Variants in UTRN observed in about 807,000 individuals in gnomAD.
The protein encoded by UTRN is utrophin, also known as dystrophin-related protein 1.
In UTRN, 283 loss-of-function variants were observed where a neutral mutation model predicts 463.9. That is an observed-to-expected ratio of 0.61 (90% CI 0.55 to 0.67). The LOEUF is 0.67. Among genes scored for constraint, UTRN ranks in the 30% least tolerant of loss-of-function variants. UTRN has a pLI of 0.00. For synonymous variants in UTRN, 1,442 were observed against 1,431.5 expected, an observed-to-expected ratio of 1.01 and a Z score of -0.17; for missense variants, 3,922 against 4,084.3, an observed-to-expected ratio of 0.96 and a Z score of 1.08.
At chr6:144,776,282 G>C (rs565272202) in intron 60 of UTRN, among the ~76,000 whole-genome samples, 3 of 152,184 alleles carry the variant, frequency 2.0e-5, no homozygotes, top group South Asian at 2.1e-4. Flanking sequence ...TTTTTTCCCA[G>C]TAGTTTATGA....
Position 144,531,147 on chromosome 6 carries a change from A to G in UTRN, c.6002A>G (p.Asp2001Gly). ...WITEAEELLV[D>G]TCAPGGSLDL... is the part of the protein sequence containing the mutation. ...ACAGAGGCTGAAGAATTACTGGTTG[A>G]TACCTGTGCTCCAGGTGGCAGCCTG... Residue 2001 changes from aspartate to glycine, a missense_variant, in exon 42 of 75, where the codon GAT becomes GGT. This residue lies in a region of UTRN where 2,349 missense variants were observed against 2,303.8 expected (regional missense o/e 1.02). Transcript: ENST00000367545. 6.2e-7 allele frequency: 1 copy of G among 1,614,058 alleles called. No individual in the cohort carries two copies. The highest frequency in any genetic ancestry group is 8.5e-7 in the Non-Finnish European group (1 of 1,179,982).
In UTRN at chr6:144,513,907, A is replaced by G; in HGVS notation, c.4945-2A>G. The G allele has an allele frequency of 6.2e-7, 1 of 1,612,908 alleles. No homozygotes were observed. Among genetic ancestry groups the G allele is most frequent in the Non-Finnish European group, 8.5e-7 (1 of 1,179,620 alleles). On this transcript the variant is annotated splice_acceptor_variant, in intron 35 of 74. Transcript: ENST00000367545. LOFTEE classifies it high-confidence loss of function. ...GTAAGCATTTTATTAATTCCTTTGTAGAACCATCAGAACCAGCTAGAAATA... is the reference window on the plus strand; with the variant it reads ...GTAAGCATTTTATTAATTCCTTTGTGGAACCATCAGAACCAGCTAGAAATA...
At chr6:144,304,894 C>T (rs374285937) in intron 2 of UTRN, among the ~76,000 whole-genome samples, 159 of 150,694 alleles carry the variant, frequency 1.1e-3, no homozygotes, top group African/African-American at 3.5e-3. Flanking sequence ...CAGATATGCT[C>T]GTGCCCTCAT....
At chr6:144,536,510 A>G (rs569513857) in intron 43 of UTRN, among the ~76,000 whole-genome samples, 51 of 152,168 alleles carry the variant, frequency 3.4e-4, no homozygotes, top group Non-Finnish European at 4.9e-4. Context: ...ATGATTTTGT[A>G]GTGATTTTCA....
chr6:144,555,010 G>T, intron 49 of UTRN, 117 bp downstream of exon 49: 1 of 1,210,690 alleles, frequency 8.3e-7, no homozygotes, highest in Non-Finnish European at 1.1e-6. Context: ...AGTTCTTAGA[G>T]TGTCTAATGA....
intron 51 of UTRN, among the ~76,000 whole-genome samples, chr6:144,627,107 G>T (rs998755346): frequency 6.6e-6 from 1 of 151,928 alleles, no homozygotes; most frequent in African/African-American, 2.4e-5. Context: ...CGCGGCAGAT[G>T]GGGGGTTAGG....
intron 53 of UTRN, among the ~76,000 whole-genome samples, chr6:144,714,569 C>G (rs902549078): frequency 6.6e-6 from 1 of 152,160 alleles, no homozygotes; most frequent in African/African-American, 2.4e-5. Flanking sequence ...TCTTGAGATT[C>G]TTAGTAATAT....
chr6:144,341,478 G>A (rs1249475923), intron 2 of UTRN, among the ~76,000 whole-genome samples: 1 of 152,138 alleles, frequency 6.6e-6, no homozygotes, highest in Non-Finnish European at 1.5e-5. Context: ...ATGTTGATTT[G>A]TTTGAATAAT....
chr6:144,593,645 G>T (rs6915390), intron 51 of UTRN, among the ~76,000 whole-genome samples: 23,726 of 152,150 alleles, frequency 0.16, 2,080 homozygotes, highest in South Asian at 0.27. Context: ...TTGGCCTTAG[G>T]CTGCCTGTCT....
chr6:144,458,695 T>C (rs949853468), intron 19 of UTRN, 75 bp from the exon 20 acceptor site: 2 of 1,494,522 alleles, frequency 1.3e-6, no homozygotes, highest in Non-Finnish European at 1.8e-6. Flanking sequence ...ATTCTGAGTG[T>C]TAGAATGTTC....
intron 2 of UTRN, among the ~76,000 whole-genome samples, chr6:144,337,728 C>A (rs188294259): frequency 6.7e-4 from 102 of 152,288 alleles, no homozygotes; most frequent in Non-Finnish European, 1.4e-3. Flanking sequence ...GATTCCCATG[C>A]CTCACCCTCC....
intron 2 of UTRN, among the ~76,000 whole-genome samples, chr6:144,337,906 C>A (rs181832298): frequency 6.6e-6 from 1 of 152,208 alleles, no homozygotes; most frequent in Non-Finnish European, 1.5e-5. Flanking sequence ...TGAGCCATTG[C>A]GCCCAGCCTG....
chr6:144,557,420 TA>T (rs1799484840), intron 50 of UTRN, 109 bp downstream of exon 50: 13 of 1,085,258 alleles, frequency 1.2e-5, no homozygotes, highest in Non-Finnish European at 1.2e-5. Context: ...AAGTACATTT[TA>T]TTATTATGTA....
chr6:144,467,839 C>G (rs1160210667), intron 23 of UTRN, among the ~76,000 whole-genome samples: 2 of 151,896 alleles, frequency 1.3e-5, no homozygotes, highest in Non-Finnish European at 2.9e-5. Flanking sequence ...CATATATTCC[C>G]TTCCTTAGAT....
At chr6:144,557,091 A>C in intron 49 of UTRN, 66 bp from the exon 50 acceptor site, 1 of 1,539,046 alleles carries the variant, frequency 6.5e-7, no homozygotes, top group Non-Finnish European at 8.8e-7. Context: ...TGGGAGTACC[A>C]TTGTTTTGAT....
Position 144,730,422 on chromosome 6 carries a change from TTTCTTGGCTGATCA to T in UTRN, c.7876_7889del (p.Phe2626AlafsTer3). ...TGAATGCTGTCGACCAGGCCCGAGT[TTTCTTGGCTGATCA>T]GCCAATTGAGGCCCCTGAAGAGCCA... On this transcript the variant is annotated frameshift_variant, in exon 54 of 75. Transcript: ENST00000367545. LOFTEE classifies it high-confidence loss of function. The T allele has an allele frequency of 6.2e-7, 1 of 1,611,940 alleles. No homozygotes were observed. Among genetic ancestry groups the T allele is most frequent in the Non-Finnish European group, 8.5e-7 (1 of 1,178,892 alleles).
intron 53 of UTRN, among the ~76,000 whole-genome samples, chr6:144,710,420 C>T (rs1361268148): frequency 6.6e-6 from 1 of 152,190 alleles, no homozygotes; most frequent in African/African-American, 2.4e-5. Flanking sequence ...CAAAACCCTT[C>T]TCTTACACAC....
intron 53 of UTRN, among the ~76,000 whole-genome samples, chr6:144,704,611 A>G (rs926687307): frequency 2.6e-5 from 4 of 152,180 alleles, no homozygotes; most frequent in African/African-American, 9.7e-5. Context: ...AGTTGCCATC[A>G]TGTTTGACAT....
intron 4 of UTRN, 129 bp downstream of exon 4, chr6:144,422,099 G>T: frequency 1.4e-6 from 1 of 703,926 alleles, no homozygotes; most frequent in Non-Finnish European, 2.2e-6. Context: ...CTGAAATTCG[G>T]AACATTTTTA....
Sources: gnomAD v4.1 joint callset for allele counts (sites outside exome capture counted in the v4.1 genomes callset) on GRCh38, gnomAD v4.1.1 for gene constraint, gnomAD v4.1.1 regional missense constraint, MANE v1.5 for transcripts, NCBI Gene and HGNC (gene_info 2026-07-23, HGNC 2026-07-21) for gene names.